FNDC3B: variants seen among roughly 807,000 people sequenced by gnomAD.
FNDC3B encodes fibronectin type III domain containing 3B.
A neutral mutation model predicts 151.5 loss-of-function variants in FNDC3B; 12 were observed. The observed-to-expected ratio is 0.08, with a 90% CI of 0.05 to 0.13. FNDC3B has a LOEUF of 0.13. Ranked by LOEUF, FNDC3B falls within the 10% of genes least tolerant of loss-of-function variation. The pLI, the probability that FNDC3B is intolerant of heterozygous loss-of-function variation, is 1.00. For missense variants in FNDC3B, 1,214 were observed against 1,505.3 expected (o/e 0.81, Z 3.20); for synonymous variants, 528 against 549.0 (o/e 0.96, Z 0.54).
At chr3:172,386,318 T>C (rs78383712) in intron 25 of FNDC3B, among the ~76,000 whole-genome samples, 1 of 152,324 alleles carries the variant, frequency 6.6e-6, no homozygotes, top group African/African-American at 2.4e-5. Flanking sequence ...GCAATAACTT[T>C]TCTAAGAAGT....
intron 1 of FNDC3B, among the ~76,000 whole-genome samples, chr3:172,046,412 A>T (rs1262684920): frequency 6.6e-6 from 1 of 151,050 alleles, no homozygotes; most frequent in Non-Finnish European, 1.5e-5. Flanking sequence ...ATGGCTTCGA[A>T]CTCCTGGGCT....
chr3:172,190,171 C>T (rs1430050911), intron 3 of FNDC3B, among the ~76,000 whole-genome samples: 3 of 152,084 alleles, frequency 2.0e-5, no homozygotes, highest in Non-Finnish European at 4.4e-5. Context: ...GTGCCTGACC[C>T]TTTATAAAGG....
At chr3:172,264,931 A>C (rs553129272) in intron 6 of FNDC3B, among the ~76,000 whole-genome samples, 1 of 152,032 alleles carries the variant, frequency 6.6e-6, no homozygotes. Flanking sequence ...TCTTATTTCC[A>C]TTTCCTTCCT....
In FNDC3B at chr3:172,221,260, G is replaced by A. The variant is rs142727178; in HGVS notation, c.188-5611G>A. On this transcript the variant is annotated intron_variant, in intron 3 of 25. Coordinates refer to ENST00000415807, the MANE Select transcript of FNDC3B (RefSeq NM_022763.4). ...GATAAGTTTTACTTCTTCCAATTTG[G>A]ATGCCTTTCTTTTTCTTGCCTAATT... Among the ~76,000 whole-genome samples, 3 of 152,218 alleles carry A rather than the reference G, an allele frequency of 2.0e-5. No homozygotes were observed. In the East Asian group the frequency reaches 5.8e-4, roughly 29 times the overall value.
At chr3:172,394,251 A>C (rs570541670) in intron 25 of FNDC3B, among the ~76,000 whole-genome samples, 2 of 152,040 alleles carry the variant, frequency 1.3e-5, no homozygotes, top group African/African-American at 4.8e-5. Context: ...GGGAGGGAGA[A>C]ACTAAGCCCA....
intron 17 of FNDC3B, among the ~76,000 whole-genome samples, chr3:172,341,561 T>G (rs1322131962): frequency 6.6e-6 from 1 of 152,206 alleles, no homozygotes; most frequent in Non-Finnish European, 1.5e-5. Context: ...TTGCAATGAT[T>G]AAAAAACTAT....
chr3:172,132,358 A>G (rs1721147621), intron 2 of FNDC3B, among the ~76,000 whole-genome samples: 1 of 152,192 alleles, frequency 6.6e-6, no homozygotes, highest in African/African-American at 2.4e-5. Context: ...GTGATTTTTA[A>G]AATAGTGTTA....
At chr3:172,293,764 C>T (rs905614810) in intron 7 of FNDC3B, among the ~76,000 whole-genome samples, 53 of 152,234 alleles carry the variant, frequency 3.5e-4, no homozygotes, top group Non-Finnish European at 2.1e-4. Context: ...ATAAATAGTA[C>T]GAAGTGATCT....
intron 3 of FNDC3B, chr3:172,187,102 T>C (rs1340019807): frequency 1.9e-5 from 4 of 209,996 alleles, no homozygotes; most frequent in Non-Finnish European, 3.8e-5. Flanking sequence ...AAGTCCTTCA[T>C]GGAAAGTGGA....
At position 172,260,559 on chromosome 3, in the gene FNDC3B, T is replaced by C. The variant is rs141969096; in HGVS notation, c.790+9018T>C. 3.0e-3 allele frequency among the ~76,000 whole-genome samples: 460 copies of C among 152,356 alleles called. 4 individuals are homozygous for C. The highest frequency in any genetic ancestry group is 0.011 in the African/African-American group (446 of 41,578). ...GGTGAAGAAAGACCATGAGATTTTT[T>C]CCTTGTGAGAACTGCTTTCTGTGGG... On this transcript the variant is annotated intron_variant, in intron 6 of 25. Transcript: ENST00000415807.
At chr3:172,115,890 T>A (rs1720223668) in intron 2 of FNDC3B, among the ~76,000 whole-genome samples, 1 of 152,216 alleles carries the variant, frequency 6.6e-6, no homozygotes, top group Non-Finnish European at 1.5e-5. Context: ...TTTCTATATA[T>A]GCAAAAGAAC....
intron 3 of FNDC3B, among the ~76,000 whole-genome samples, chr3:172,137,356 A>T (rs1348542718): frequency 1.3e-5 from 2 of 152,218 alleles, no homozygotes; most frequent in Non-Finnish European, 2.9e-5. Flanking sequence ...TTGAAAGCAA[A>T]TTAATACAGA....
At chr3:172,245,367 G>T (rs1158323593) in intron 4 of FNDC3B, among the ~76,000 whole-genome samples, 2 of 152,152 alleles carry the variant, frequency 1.3e-5, no homozygotes, top group Non-Finnish European at 2.9e-5. Context: ...AAAGAATAAA[G>T]ATTGTAAACC....
intron 3 of FNDC3B, among the ~76,000 whole-genome samples, chr3:172,188,608 T>C (rs9290447): frequency 0.5 from 75,571 of 151,828 alleles, 18,872 homozygotes; most frequent in Non-Finnish European, 0.51. Context: ...GGTTTCACCA[T>C]GTTGGCCAGG....
intron 1 of FNDC3B, among the ~76,000 whole-genome samples, chr3:172,051,558 G>A (rs1022648466): frequency 2.0e-5 from 3 of 152,158 alleles, no homozygotes; most frequent in Non-Finnish European, 2.9e-5. Flanking sequence ...CAAGGGGAAA[G>A]GTTGGGAAGA....
chr3:172,251,416 A>G lies in FNDC3B; in HGVS notation c.665A>G (p.Tyr222Cys). The change falls in exon 6 of 26, where the codon TAC becomes TGC. Residue 222 changes from tyrosine to cysteine, a missense_variant. Coordinates refer to ENST00000415807, the MANE Select transcript of FNDC3B (RefSeq NM_022763.4). ...SIYKSSCTTV[Y>C]NGYGKGHSGG... ...TACAAAAGCAGCTGCACAACAGTAT[A>G]CAATGGCTATGGGAAGGGCCATAGT... 6.2e-7 allele frequency: 1 copy of G among 1,614,102 alleles called. No individual in the cohort carries two copies. Among genetic ancestry groups the G allele is most frequent in the African/African-American group, 1.3e-5 (1 of 75,020 alleles).
rs1320831049 is a variant in FNDC3B, at chr3:172,399,619, T to A, written c.*2144T>A. The A allele has an allele frequency of 6.6e-6, 1 of 152,598 alleles. No homozygotes were observed. 9.5% of individuals were successfully genotyped at this position (152,598 alleles called of 1,614,324 possible). A position where few individuals can be genotyped will look rare whatever the true frequency, so the allele number is the denominator to read the frequency against. On this transcript the variant is annotated 3_prime_UTR_variant, in exon 26 of 26. Coordinates refer to ENST00000415807, the MANE Select transcript of FNDC3B (RefSeq NM_022763.4). ...TATATTTTTGCCAAAGTTCTGGCCT[T>A]CCAAAACTCACCCCCTTATTTAAAT...
intron 3 of FNDC3B, among the ~76,000 whole-genome samples, chr3:172,222,568 T>C (rs1465600902): frequency 6.6e-6 from 1 of 152,194 alleles, no homozygotes; most frequent in Non-Finnish European, 1.5e-5. Flanking sequence ...TGAGGGGGGC[T>C]GTTTCAGAAT....
At chr3:172,265,186 A>G (rs985404044) in intron 6 of FNDC3B, among the ~76,000 whole-genome samples, 3 of 152,242 alleles carry the variant, frequency 2.0e-5, no homozygotes, top group African/African-American at 7.2e-5. Context: ...TTGAAATTTT[A>G]CATGCTTCAA....
Sources: gnomAD v4.1 joint callset for allele counts (sites outside exome capture counted in the v4.1 genomes callset) on GRCh38, gnomAD v4.1.1 for gene constraint, MANE v1.5 for transcripts, NCBI Gene and HGNC (gene_info 2026-07-23, HGNC 2026-07-21) for gene names.